The following XRCC4 variants were observed in gnomAD, a reference collection of about 807,000 sequenced individuals.
XRCC4 encodes X-ray repair cross complementing 4.
A neutral mutation model predicts 39.1 loss-of-function variants in XRCC4; 28 were observed. The ratio of observed to expected loss-of-function variants is 0.72; its 90% CI spans 0.53 to 0.98. XRCC4 has a LOEUF of 0.98. Among genes scored for constraint, XRCC4 ranks in the 50% least tolerant of loss-of-function variants. XRCC4 has a pLI of 0.00. For missense variants in XRCC4, 350 were observed against 376.4 expected (o/e 0.93, Z 0.58); for synonymous variants, 123 against 126.4 (o/e 0.97, Z 0.18).
intron 7 of XRCC4, among the ~76,000 whole-genome samples, chr5:83,335,163 A>G (rs1437990870): frequency 6.6e-6 from 1 of 152,004 alleles, no homozygotes; most frequent in African/African-American, 2.4e-5. Context: ...TAAGTTTTAG[A>G]TATTTGCATT....
chr5:83,174,001 C>T (rs181888262), intron 3 of XRCC4, among the ~76,000 whole-genome samples: 1 of 152,244 alleles, frequency 6.6e-6, no homozygotes, highest in African/African-American at 2.4e-5. Flanking sequence ...AAAACCTGGA[C>T]TTCTAAAAAC....
intron 3 of XRCC4, among the ~76,000 whole-genome samples, chr5:83,148,546 A>G (rs184759833): frequency 6.6e-6 from 1 of 152,170 alleles, no homozygotes; most frequent in Admixed American, 6.6e-5. Flanking sequence ...ACTAGAATAC[A>G]TGATGTAATT....
intron 3 of XRCC4, among the ~76,000 whole-genome samples, chr5:83,129,492 G>T (rs2112473499): frequency 6.6e-6 from 1 of 152,152 alleles, no homozygotes; most frequent in East Asian, 1.9e-4. Context: ...CTTTAAAGTA[G>T]TTTTTTTCAA....
At chr5:83,122,912 A>G (rs1002204857) in intron 3 of XRCC4, among the ~76,000 whole-genome samples, 2 of 152,090 alleles carry the variant, frequency 1.3e-5, no homozygotes, top group Non-Finnish European at 2.9e-5. Flanking sequence ...TGTGACTTGA[A>G]TCCCTTTAAA....
intron 3 of XRCC4, among the ~76,000 whole-genome samples, chr5:83,138,460 C>A (rs1478325368): frequency 2.6e-5 from 4 of 151,886 alleles, no homozygotes; most frequent in Admixed American, 1.3e-4. Context: ...TGCTAGTAGA[C>A]CCAGAACTTT....
In XRCC4 at chr5:83,284,068, A is replaced by C. The variant is rs866635295; in HGVS notation, c.893+25391A>C. Among the ~76,000 whole-genome samples the C allele has an allele frequency of 1.3e-3, 190 of 150,762 alleles. 1 individual carries two copies. The highest frequency in any genetic ancestry group is 3.7e-3 in the Admixed American group (56 of 15,124). ...AACCCAGAGCAAAAAAAAAAAAAAA[A>C]AAAAAAAAAACGAATAATTCATGAT... On this transcript the variant is annotated intron_variant, in intron 7 of 7. Transcript: ENST00000396027.
At chr5:83,163,629 C>G (rs1749324261) in intron 3 of XRCC4, among the ~76,000 whole-genome samples, 1 of 152,184 alleles carries the variant, frequency 6.6e-6, no homozygotes, top group Non-Finnish European at 1.5e-5. Flanking sequence ...ATGAGCAACT[C>G]CTACGAGTCT....
At chr5:83,313,369 C>G (rs956340334) in intron 7 of XRCC4, among the ~76,000 whole-genome samples, 1 of 152,040 alleles carries the variant, frequency 6.6e-6, no homozygotes, top group South Asian at 2.1e-4. Context: ...TACATCTAAC[C>G]CATTCTTGGT....
intron 7 of XRCC4, among the ~76,000 whole-genome samples, chr5:83,298,016 A>G (rs1755152758): frequency 6.6e-6 from 1 of 151,966 alleles, no homozygotes; most frequent in African/African-American, 2.4e-5. Context: ...CTTTTAATGC[A>G]TCATTTCTTT....
At chr5:83,186,191 A>G (rs186385762) in intron 3 of XRCC4, among the ~76,000 whole-genome samples, 1 of 152,336 alleles carries the variant, frequency 6.6e-6, no homozygotes, top group East Asian at 1.9e-4. Context: ...GGAAGATTCT[A>G]GAATGATTAT....
At chr5:83,131,111 C>G (rs1747553056) in intron 3 of XRCC4, among the ~76,000 whole-genome samples, 1 of 152,164 alleles carries the variant, frequency 6.6e-6, no homozygotes, top group Non-Finnish European at 1.5e-5. Flanking sequence ...ACATGTAGTG[C>G]TATAAATTTC....
At chr5:83,100,074 T>C (rs1306802004) in intron 1 of XRCC4, among the ~76,000 whole-genome samples, 1 of 152,104 alleles carries the variant, frequency 6.6e-6, no homozygotes, top group Non-Finnish European at 1.5e-5. Flanking sequence ...AGTATGGTAT[T>C]AGGAAATTAA....
intron 3 of XRCC4, among the ~76,000 whole-genome samples, chr5:83,190,553 T>C (rs747754863): frequency 1.3e-5 from 2 of 152,180 alleles, no homozygotes; most frequent in Non-Finnish European, 2.9e-5. Flanking sequence ...TAATGAACTT[T>C]AATTCTGCAA....
At chr5:83,159,522 T>G (rs903759458) in intron 3 of XRCC4, among the ~76,000 whole-genome samples, 1 of 152,170 alleles carries the variant, frequency 6.6e-6, no homozygotes, top group African/African-American at 2.4e-5. Context: ...GACCAAGGTA[T>G]GTGTATATGT....
Position 83,095,315 on chromosome 5 carries a change from G to A in XRCC4, c.-10-9595G>A, listed in dbSNP as rs760628817. 1.1e-4 allele frequency among the ~76,000 whole-genome samples: 16 copies of A among 152,116 alleles called. 1 individual carries two copies. Among genetic ancestry groups the A allele is most frequent in the Non-Finnish European group, 5.9e-5 (4 of 68,032 alleles). On this transcript the variant is annotated intron_variant, in intron 1 of 7. Transcript: ENST00000396027. ...CTCTGATCAGCCTTGGCCACAGGGT[G>A]TATTCCTTTATTTGAGTTCAGCAGT...
intron 6 of XRCC4, among the ~76,000 whole-genome samples, chr5:83,215,273 A>C (rs756702509): frequency 2.0e-5 from 3 of 152,102 alleles, no homozygotes; most frequent in Non-Finnish European, 4.4e-5. Flanking sequence ...TGGGAGGCAG[A>C]GGTTACGGTG....
At chr5:83,163,457 G>A (rs1298755247) in intron 3 of XRCC4, among the ~76,000 whole-genome samples, 1 of 152,142 alleles carries the variant, frequency 6.6e-6, no homozygotes, top group Admixed American at 6.5e-5. Context: ...CTTCATTAAT[G>A]AAACCATTTT....
intron 7 of XRCC4, among the ~76,000 whole-genome samples, chr5:83,263,505 TG>T (rs1753839079): frequency 6.6e-6 from 1 of 150,704 alleles, no homozygotes; most frequent in African/African-American, 2.4e-5. Flanking sequence ...CTCCAGCACC[TG>T]TTGTTTCCTG....
At chr5:83,336,645 TTAA>T (rs1042289763) in intron 7 of XRCC4, among the ~76,000 whole-genome samples, 6 of 152,138 alleles carry the variant, frequency 3.9e-5, no homozygotes, top group African/African-American at 1.4e-4. Context: ...TCATAAACCT[TTAA>T]TAATAATAAT....
Sources: allele counts gnomAD v4.1 joint callset (sites outside exome capture counted in the v4.1 genomes callset), GRCh38; gene constraint gnomAD v4.1.1; transcripts MANE v1.5; gene names NCBI Gene and HGNC (gene_info 2026-07-23, HGNC 2026-07-21).